Variants in RPS6KC1 observed in about 807,000 individuals in gnomAD.
RPS6KC1 encodes ribosomal protein S6 kinase C1, also known as inactive ribosomal protein S6 kinase delta-1.
Under a neutral mutation model 103.8 loss-of-function variants are expected in RPS6KC1, and 54 were observed. That is an observed-to-expected ratio of 0.52 (90% confidence interval 0.42 to 0.65). The LOEUF is 0.65. Ranked by LOEUF, RPS6KC1 falls within the 30% of genes least tolerant of loss-of-function variation. RPS6KC1 has a pLI of 0.00. For missense variants in RPS6KC1, 1,151 were observed against 1,253.8 expected, an observed-to-expected ratio of 0.92 and a Z score of 1.24; for synonymous variants, 439 against 438.7, an observed-to-expected ratio of 1.00 and a Z score of -0.01.
chr1:213,117,024 G>C (rs2083728106), intron 4 of RPS6KC1, among the ~76,000 whole-genome samples: 1 of 152,084 alleles, frequency 6.6e-6, no homozygotes, highest in South Asian at 2.1e-4. Flanking sequence ...TTCTAGGGCA[G>C]TTTAGGTTTA....
At chr1:213,399,392 T>A in the RPS6KC1 span, among the ~76,000 whole-genome samples, 1 of 152,170 alleles carries the variant, frequency 6.6e-6, no homozygotes, top group African/African-American at 2.4e-5. Context: ...TAGAGTTGAG[T>A]AGATCCTTGG....
chr1:213,535,007 C>T, the RPS6KC1 span, among the ~76,000 whole-genome samples: 388 of 152,272 alleles, frequency 2.5e-3, 5 homozygotes, highest in Non-Finnish European at 9.8e-4. Context: ...TTCTAAGGTA[C>T]CCTACAACCT....
the RPS6KC1 span, among the ~76,000 whole-genome samples, chr1:213,816,902 C>T: frequency 5.9e-5 from 9 of 152,314 alleles, no homozygotes; most frequent in Non-Finnish European, 1.0e-4. Flanking sequence ...ACCCTTGCAA[C>T]CATGCCTCGC....
chr1:213,069,977 G>A (rs1354122028), intron 1 of RPS6KC1, among the ~76,000 whole-genome samples: 2 of 152,164 alleles, frequency 1.3e-5, no homozygotes, highest in Non-Finnish European at 2.9e-5. Flanking sequence ...TGTCATCAGG[G>A]AAGTCTGAAG....
chr1:213,600,535 A>C, the RPS6KC1 span, among the ~76,000 whole-genome samples: 1 of 152,118 alleles, frequency 6.6e-6, no homozygotes, highest in Admixed American at 6.6e-5. Flanking sequence ...ATTTCCCTGA[A>C]ACCCTCAGGC....
intron 8 of RPS6KC1, among the ~76,000 whole-genome samples, chr1:213,183,048 GC>G (rs1408411042): frequency 6.6e-6 from 1 of 151,582 alleles, no homozygotes; most frequent in Non-Finnish European, 1.5e-5. Flanking sequence ...GATAAAATAT[GC>G]TTCATACCAA....
At chr1:213,203,725 C>T (rs2093248894) in intron 8 of RPS6KC1, among the ~76,000 whole-genome samples, 1 of 152,026 alleles carries the variant, frequency 6.6e-6, no homozygotes, top group South Asian at 2.1e-4. Context: ...ACCCTGCTAC[C>T]TACTGAGAAT....
intron 8 of RPS6KC1, among the ~76,000 whole-genome samples, chr1:213,212,143 G>A (rs1362063934): frequency 6.6e-6 from 1 of 152,058 alleles, no homozygotes; most frequent in Middle Eastern, 3.2e-3. Context: ...CATTCTGTGG[G>A]TTTGGACAAA....
At chr1:213,703,374 G>C in the RPS6KC1 span, among the ~76,000 whole-genome samples, 1 of 152,102 alleles carries the variant, frequency 6.6e-6, no homozygotes, top group Non-Finnish European at 1.5e-5. Flanking sequence ...ACTTAGATAA[G>C]AGTCATTTAC....
the RPS6KC1 span, among the ~76,000 whole-genome samples, chr1:213,661,115 A>G: frequency 6.6e-6 from 1 of 152,164 alleles, no homozygotes; most frequent in Non-Finnish European, 1.5e-5. Context: ...CGCAGCCTTC[A>G]GACCCCAGAG....
At chr1:213,521,817 G>A in the RPS6KC1 span, among the ~76,000 whole-genome samples, 4 of 151,936 alleles carry the variant, frequency 2.6e-5, no homozygotes, top group Non-Finnish European at 4.4e-5. Context: ...ACTTCTTCAG[G>A]TTCTCTTCTA....
chr1:213,837,060 T>C, the RPS6KC1 span, among the ~76,000 whole-genome samples: 1 of 152,232 alleles, frequency 6.6e-6, no homozygotes, highest in African/African-American at 2.4e-5. Flanking sequence ...TTTGTAATGA[T>C]GATTATGATT....
chr1:213,311,081 G>C, the RPS6KC1 span, among the ~76,000 whole-genome samples: 1 of 152,168 alleles, frequency 6.6e-6, no homozygotes, highest in African/African-American at 2.4e-5. Context: ...AGAGCCGCTG[G>C]GGCTGACAAG....
At chr1:213,196,110 G>A (rs2092936913) in intron 8 of RPS6KC1, among the ~76,000 whole-genome samples, 1 of 151,970 alleles carries the variant, frequency 6.6e-6, no homozygotes, top group South Asian at 2.1e-4. Context: ...GTGTAGAAGT[G>A]TTCCCTTTTC....
At chr1:213,505,586 G>A in the RPS6KC1 span, among the ~76,000 whole-genome samples, 8 of 152,274 alleles carry the variant, frequency 5.3e-5, no homozygotes, top group East Asian at 1.2e-3. Flanking sequence ...CTGACACATC[G>A]TAAGTGCTCA....
At chr1:213,305,309 C>T in the RPS6KC1 span, among the ~76,000 whole-genome samples, 2 of 152,074 alleles carry the variant, frequency 1.3e-5, no homozygotes, top group African/African-American at 4.8e-5. Flanking sequence ...TCTCGAACTC[C>T]TGACGTCAGG....
the RPS6KC1 span, among the ~76,000 whole-genome samples, chr1:213,653,667 C>T: frequency 6.6e-6 from 1 of 152,050 alleles, no homozygotes; most frequent in Non-Finnish European, 1.5e-5. Context: ...TCTATCTCTC[C>T]CCTAGATTGT....
chr1:213,859,079 C>G, the RPS6KC1 span, among the ~76,000 whole-genome samples: 1 of 152,188 alleles, frequency 6.6e-6, no homozygotes, highest in South Asian at 2.1e-4. Flanking sequence ...TTATGCAGAC[C>G]AAGGCATGCA....
chr1:213,202,312 T>C (rs1438427495), intron 8 of RPS6KC1, among the ~76,000 whole-genome samples: 1 of 152,038 alleles, frequency 6.6e-6, no homozygotes, highest in East Asian at 1.9e-4. Context: ...AATAATAGCA[T>C]TTAAAAAAAC....
Sources: gnomAD v4.1 joint callset for allele counts (sites outside exome capture counted in the v4.1 genomes callset) on GRCh38, gnomAD v4.1.1 for gene constraint, MANE v1.5 for transcripts, NCBI Gene and HGNC (gene_info 2026-07-23, HGNC 2026-07-21) for gene names.